PLPP3: variants seen among roughly 807,000 people sequenced by gnomAD.
PLPP3 encodes the protein phospholipid phosphatase 3, also known as PAP2 beta.
A neutral mutation model predicts 29.6 loss-of-function variants in PLPP3; 6 were observed. The observed-to-expected ratio is 0.20, with a 90% CI of 0.11 to 0.40. The LOEUF (loss-of-function observed/expected upper bound fraction) is 0.40. Among genes scored for constraint, PLPP3 ranks in the 10% least tolerant of loss-of-function variants. The pLI, the probability that PLPP3 is intolerant of heterozygous loss-of-function variation, is 1.00. For missense variants in PLPP3, 308 were observed against 407.7 expected (o/e 0.76, Z 2.11); for synonymous variants, 152 against 159.7 (o/e 0.95, Z 0.36).
chr1:56,566,792 T>A (rs906516783), intron 1 of PLPP3, among the ~76,000 whole-genome samples: 1 of 152,232 alleles, frequency 6.6e-6, no homozygotes, highest in Non-Finnish European at 1.5e-5. Context: ...AGTGCATTTA[T>A]AGATCAACTC....
At chr1:56,548,622 A>G (rs2100279863) in intron 1 of PLPP3, among the ~76,000 whole-genome samples, 1 of 152,304 alleles carries the variant, frequency 6.6e-6, no homozygotes. Flanking sequence ...TGGGAGAATT[A>G]TGAGCTACAG....
chr1:56,569,698 C>G (rs955727757), intron 1 of PLPP3, among the ~76,000 whole-genome samples: 5 of 152,180 alleles, frequency 3.3e-5, no homozygotes, highest in African/African-American at 1.2e-4. Context: ...GCCTGCCATA[C>G]CCAGTCCCCT....
At chr1:56,549,054 T>G (rs964398968) in intron 1 of PLPP3, among the ~76,000 whole-genome samples, 12 of 152,310 alleles carry the variant, frequency 7.9e-5, no homozygotes, top group African/African-American at 2.9e-4. Flanking sequence ...AAACAATAGA[T>G]GCTGAAAAGA....
rs150738833 is a variant in PLPP3, at chr1:56,512,136, C to T, written c.650G>A (p.Arg217His). 7.4e-5 allele frequency: 118 copies of T among 1,604,074 alleles called. 1 individual carries two copies. The highest frequency in any genetic ancestry group is 1.6e-4 in the South Asian group (14 of 89,660). The change falls in exon 5 of 6, where the codon CGC (arginine) becomes CAC (histidine). Residue 217 changes from arginine to histidine, a missense_variant. Arg to His is a conservative substitution (Grantham distance 29). Coordinates refer to ENST00000371250, the MANE Select transcript of PLPP3 (RefSeq NM_003713.5). ...MLYLVLYLQARFTWRGARLLR... is the reference protein window; with the variant it reads ...MLYLVLYLQAHFTWRGARLLR... ...CAGGCGGGCTCCTCGCCAAGTGAAG[C>T]GGGCCTGCAGGTATAGCTGGAGAAA...
intron 1 of PLPP3, among the ~76,000 whole-genome samples, chr1:56,576,117 G>A (rs577566442): frequency 9.5e-4 from 144 of 152,088 alleles, no homozygotes; most frequent in African/African-American, 3.3e-3. Context: ...AGAATTTAAC[G>A]TTCTAAAAAG....
chr1:56,513,640 A>C (rs1645761058), intron 4 of PLPP3: 2 of 152,198 alleles, frequency 1.3e-5, no homozygotes. Context: ...ATTTCAAATA[A>C]GCAGACATGG....
chr1:56,549,648 T>A (rs1004658859), intron 1 of PLPP3, among the ~76,000 whole-genome samples: 11 of 152,224 alleles, frequency 7.2e-5, no homozygotes, highest in African/African-American at 2.2e-4. Context: ...TACCTACCTT[T>A]GTCCCAGCTG....
Position 56,524,230 on chromosome 1 carries a change from T to C in PLPP3, c.575+47A>G, listed in dbSNP as rs369198637. 10 of 1,605,178 alleles carry C rather than the reference T, an allele frequency of 6.2e-6. No homozygotes were observed. In the African/African-American group the frequency reaches 1.2e-4, roughly 19 times the overall value. ...CTAGTAAGTGCTCACTGAACTGCAC[T>C]GTATGAAAGGGGTCCAGGCTCTGGC... is the stretch of plus-strand genomic sequence containing the variant. On this transcript the variant is annotated intron_variant, in intron 3 of 5. Coordinates refer to ENST00000371250, the MANE Select transcript of PLPP3 (RefSeq NM_003713.5). The surrounding 1 kb of genome is among the most constrained non-coding windows in gnomAD (Gnocchi z 4.3).
chr1:56,557,032 G>A (rs1171800078), intron 1 of PLPP3, among the ~76,000 whole-genome samples: 2,226 of 10,834 alleles, frequency 0.21, 644 homozygotes, highest in African/African-American at 0.38. Flanking sequence ...GAGAAAGAGA[G>A]AGAGAGAGAG....
At chr1:56,500,791 G>T (rs2100219264) in intron 5 of PLPP3, among the ~76,000 whole-genome samples, 1 of 152,084 alleles carries the variant, frequency 6.6e-6, no homozygotes, top group Non-Finnish European at 1.5e-5. Flanking sequence ...GATCATCTGA[G>T]GTCAGGAGTT....
rs77031857 is a variant in PLPP3 at position 56,567,809 on chromosome 1, T to C, written c.139+11069A>G. Among the ~76,000 whole-genome samples, 353 of 152,276 alleles carry C rather than the reference T, an allele frequency of 2.3e-3. 4 individuals carry two copies. Among genetic ancestry groups the C allele is most frequent in the African/African-American group, 8.4e-3 (347 of 41,544 alleles). ...GATCCAGGAATTCCACTCCTAGGTATACAGACCCAAGAGAACTGAAAGCAT... is the reference window on the plus strand; with the variant it reads ...GATCCAGGAATTCCACTCCTAGGTACACAGACCCAAGAGAACTGAAAGCAT... On this transcript the variant is annotated intron_variant, in intron 1 of 5. Transcript: ENST00000371250.
intron 1 of PLPP3, among the ~76,000 whole-genome samples, chr1:56,552,464 A>T (rs1428659520): frequency 1.3e-5 from 2 of 152,232 alleles, no homozygotes; most frequent in African/African-American, 4.8e-5. Context: ...TGCAATTTAC[A>T]TATGCATATA....
At position 56,575,969 on chromosome 1, in the gene PLPP3, C is replaced by T. The variant is rs59592541; in HGVS notation, c.139+2909G>A. Among the ~76,000 whole-genome samples the T allele has an allele frequency of 8.5e-3, 1,287 of 152,146 alleles. 14 individuals are homozygous for T. The highest frequency in any genetic ancestry group is 0.029 in the African/African-American group (1,204 of 41,486). On this transcript the variant is annotated intron_variant, in intron 1 of 5. Coordinates refer to ENST00000371250, the MANE Select transcript of PLPP3 (RefSeq NM_003713.5). The stretch of plus-strand genomic sequence containing the variant: ...AAAATCAATTTCAGGAAAACTATCA[C>T]GCAAAGATTCATAACTGTATTTAAA...
chr1:56,508,897 C>T (rs1159396903), intron 5 of PLPP3, among the ~76,000 whole-genome samples: 2 of 152,202 alleles, frequency 1.3e-5, no homozygotes, highest in Non-Finnish European at 2.9e-5. Flanking sequence ...GTCTCCCTCA[C>T]AATCAAACCC....
At chr1:56,578,496 G>A (rs768789058) in intron 1 of PLPP3, among the ~76,000 whole-genome samples, 1 of 152,206 alleles carries the variant, frequency 6.6e-6, no homozygotes, top group African/African-American at 2.4e-5. Context: ...CACTCGGATG[G>A]AGGGCGACCA....
chr1:56,562,330 T>C (rs1400415137), intron 1 of PLPP3, among the ~76,000 whole-genome samples: 2 of 152,160 alleles, frequency 1.3e-5, no homozygotes, highest in East Asian at 1.9e-4. Context: ...TGATCGGGAT[T>C]GTAGTAGTAA....
chr1:56,526,458 G>A (rs1444487209), intron 2 of PLPP3, among the ~76,000 whole-genome samples: 1 of 152,148 alleles, frequency 6.6e-6, no homozygotes, highest in Non-Finnish European at 1.5e-5. Context: ...TACCATTCAT[G>A]ATCTAATTCC....
chr1:56,552,087 T>TTTTG, intron 1 of PLPP3, among the ~76,000 whole-genome samples: 1 of 152,262 alleles, frequency 6.6e-6, no homozygotes, highest in African/African-American at 2.4e-5. Flanking sequence ...GCACACTGGT[T>TTTTG]TTTGTTTGTT....
intron 4 of PLPP3, chr1:56,516,956 C>G (rs1038699878): frequency 3.9e-5 from 6 of 152,230 alleles, no homozygotes; most frequent in African/African-American, 1.4e-4. Context: ...GGAATTCCAA[C>G]AAAACCTCCT....
Sources: allele counts gnomAD v4.1 joint callset (sites outside exome capture counted in the v4.1 genomes callset), GRCh38; gene constraint gnomAD v4.1.1; non-coding constraint Gnocchi (gnomAD v3.1); transcripts MANE v1.5; gene names NCBI Gene and HGNC (gene_info 2026-07-23, HGNC 2026-07-21).